The following LDB2 variants were observed in gnomAD, a reference collection of about 807,000 sequenced individuals.
LDB2 encodes the protein LIM domain-binding protein 2.
Under a neutral mutation model 44.3 loss-of-function variants are expected in LDB2, and 12 were observed. The ratio of observed to expected loss-of-function variants is 0.27; its 90% CI spans 0.17 to 0.44. The LOEUF is 0.44. Ranked by LOEUF, LDB2 falls within the 20% of genes least tolerant of loss-of-function variation. The pLI is 1.00. For synonymous variants in LDB2, 164 were observed against 174.8 expected (o/e 0.94, Z 0.49); for missense variants, 344 against 473.5 (o/e 0.73, Z 2.54).
intron 2 of LDB2, among the ~76,000 whole-genome samples, chr4:16,687,625 A>T (rs1749574284): frequency 6.6e-6 from 1 of 152,180 alleles, no homozygotes. Flanking sequence ...ACACTATCAG[A>T]CCCAACTGGG....
At chr4:16,521,577 T>C (rs1726107156) in intron 5 of LDB2, among the ~76,000 whole-genome samples, 1 of 152,102 alleles carries the variant, frequency 6.6e-6, no homozygotes, top group Non-Finnish European at 1.5e-5. Context: ...CAACCTACTC[T>C]ATGTTTAAGG....
At chr4:16,882,220 C>A (rs552143895) in intron 1 of LDB2, among the ~76,000 whole-genome samples, 95 of 152,290 alleles carry the variant, frequency 6.2e-4, no homozygotes, top group African/African-American at 2.2e-3. Flanking sequence ...ATGGTCCTCC[C>A]TCACTGAGCA....
chr4:16,735,140 G>C (rs1761626266), intron 2 of LDB2, among the ~76,000 whole-genome samples: 1 of 152,140 alleles, frequency 6.6e-6, no homozygotes, highest in African/African-American at 2.4e-5. Flanking sequence ...TACGTAGTGG[G>C]GACATCAAAT....
At chr4:16,719,666 T>A (rs1210941578) in intron 2 of LDB2, among the ~76,000 whole-genome samples, 1 of 152,126 alleles carries the variant, frequency 6.6e-6, no homozygotes, top group Admixed American at 6.6e-5. Flanking sequence ...CAATCCCTAA[T>A]GCAGCAGTGT....
chr4:16,721,131 C>T (rs1758181763), intron 2 of LDB2, among the ~76,000 whole-genome samples: 1 of 152,116 alleles, frequency 6.6e-6, no homozygotes, highest in Admixed American at 6.6e-5. Flanking sequence ...TAAAACTGTC[C>T]TTAAATGACT....
At chr4:16,648,483 A>G (rs191226182) in intron 2 of LDB2, among the ~76,000 whole-genome samples, 6 of 152,318 alleles carry the variant, frequency 3.9e-5, no homozygotes, top group Non-Finnish European at 7.4e-5. Flanking sequence ...TAGCTTGATG[A>G]ACCTTCTTGC....
At chr4:16,596,502 CA>C (rs984779951) in intron 2 of LDB2, among the ~76,000 whole-genome samples, 10 of 152,124 alleles carry the variant, frequency 6.6e-5, no homozygotes, top group Admixed American at 4.6e-4. Context: ...TCTCTAACTG[CA>C]TGTCTATAAA....
intron 2 of LDB2, among the ~76,000 whole-genome samples, chr4:16,703,535 C>T (rs1379864769): frequency 2.0e-5 from 3 of 152,204 alleles, no homozygotes; most frequent in African/African-American, 7.2e-5. Context: ...ACAGCTGTGT[C>T]TACTGCCGAT....
intron 1 of LDB2, among the ~76,000 whole-genome samples, chr4:16,789,118 G>A (rs1775145244): frequency 6.6e-6 from 1 of 152,194 alleles, no homozygotes; most frequent in Non-Finnish European, 1.5e-5. Flanking sequence ...GCGGAAAGAG[G>A]TGGCCTGAGA....
intron 1 of LDB2, among the ~76,000 whole-genome samples, chr4:16,846,113 C>CA (rs374522770): frequency 0.44 from 49,155 of 111,502 alleles, 9,371 homozygotes; most frequent in Middle Eastern, 0.6. Context: ...GACTCTGTCT[C>CA]AAAAAAAAAA....
chr4:16,648,848 A>G (rs1351614208), intron 2 of LDB2, among the ~76,000 whole-genome samples: 1 of 152,180 alleles, frequency 6.6e-6, no homozygotes, highest in Admixed American at 6.5e-5. Context: ...CTAAATTCCA[A>G]CTGCACATAC....
chr4:16,600,039 T>C (rs887003167), intron 2 of LDB2, among the ~76,000 whole-genome samples: 1 of 152,220 alleles, frequency 6.6e-6, no homozygotes, highest in Non-Finnish European at 1.5e-5. Context: ...GAATTCAGTG[T>C]ATGATTTTAT....
At chr4:16,836,801 C>T (rs1784952865) in intron 1 of LDB2, among the ~76,000 whole-genome samples, 1 of 152,160 alleles carries the variant, frequency 6.6e-6, no homozygotes, top group Admixed American at 6.5e-5. Context: ...CACTGAGGCT[C>T]ATAAAATTTA....
intron 2 of LDB2, among the ~76,000 whole-genome samples, chr4:16,623,618 T>TAAAA (rs1216550020): frequency 7.1e-6 from 1 of 141,734 alleles, no homozygotes; most frequent in African/African-American, 2.6e-5. Context: ...AATAAATAAA[T>TAAAA]AAAAATAAAA....
intron 2 of LDB2, among the ~76,000 whole-genome samples, chr4:16,731,849 A>G (rs1237714234): frequency 6.6e-6 from 1 of 152,062 alleles, no homozygotes. Flanking sequence ...ATCTAGGTCT[A>G]TGTGCTTCCC....
chr4:16,639,990 C>T (rs376257297), intron 2 of LDB2, among the ~76,000 whole-genome samples: 1 of 152,174 alleles, frequency 6.6e-6, no homozygotes, highest in Non-Finnish European at 1.5e-5. Context: ...TATTCTCACA[C>T]CAGTGAAGTT....
At chr4:16,693,425 G>T (rs564638785) in intron 2 of LDB2, among the ~76,000 whole-genome samples, 1 of 146,376 alleles carries the variant, frequency 6.8e-6, no homozygotes, top group African/African-American at 2.5e-5. Context: ...ACGCCATCGC[G>T]GCTCACCGCA....
At chr4:16,782,627 G>A (rs1180643164) in intron 1 of LDB2, among the ~76,000 whole-genome samples, 2 of 152,152 alleles carry the variant, frequency 1.3e-5, no homozygotes, top group Non-Finnish European at 2.9e-5. Context: ...TGGCATTACA[G>A]GCGTGAGCCA....
intron 1 of LDB2, among the ~76,000 whole-genome samples, chr4:16,852,857 G>T (rs1489265638): frequency 6.6e-6 from 1 of 152,042 alleles, no homozygotes; most frequent in Non-Finnish European, 1.5e-5. Context: ...ACTGTACCCT[G>T]GATCTCATAT....
Sources: allele counts gnomAD v4.1 joint callset (sites outside exome capture counted in the v4.1 genomes callset), GRCh38; gene constraint gnomAD v4.1.1; transcripts MANE v1.5; gene names NCBI Gene and HGNC (gene_info 2026-07-23, HGNC 2026-07-21).